BARX2: variants seen among roughly 807,000 people sequenced by gnomAD.
The protein encoded by BARX2 is BARX homeobox 2, also known as homeobox protein BarH-like 2.
BARX2 carries 11 observed loss-of-function variants against 25.5 expected under a neutral mutation model. The ratio of observed to expected loss-of-function variants is 0.43; its 90% CI spans 0.27 to 0.71. The LOEUF is 0.71. Among genes scored for constraint, BARX2 ranks in the 30% least tolerant of loss-of-function variants. The pLI is 0.19. For missense variants in BARX2, 360 were observed against 359.9 expected (o/e 1.00, Z 0.00); for synonymous variants, 137 against 149.5 (o/e 0.92, Z 0.61).
chr11:129,426,870 T>C (rs1039414571), intron 1 of BARX2, among the ~76,000 whole-genome samples: 14 of 152,008 alleles, frequency 9.2e-5, no homozygotes, highest in Admixed American at 9.2e-4. Flanking sequence ...TTTAGGAAGA[T>C]GTCCAGCCAG....
intron 1 of BARX2, among the ~76,000 whole-genome samples, chr11:129,412,574 C>A (rs1861901325): frequency 6.6e-6 from 1 of 152,184 alleles, no homozygotes; most frequent in African/African-American, 2.4e-5. Context: ...ACATTGATAC[C>A]CACTTTTAAT....
chr11:129,404,022 A>G (rs1015774448), intron 1 of BARX2, among the ~76,000 whole-genome samples: 1 of 152,234 alleles, frequency 6.6e-6, no homozygotes, highest in Non-Finnish European at 1.5e-5. Flanking sequence ...CCTGCACTGG[A>G]AATCCACTCT....
intron 1 of BARX2, among the ~76,000 whole-genome samples, chr11:129,433,775 C>T (rs931093154): frequency 2.0e-5 from 3 of 152,186 alleles, no homozygotes; most frequent in Non-Finnish European, 4.4e-5. Context: ...GCCCCACCTG[C>T]CCCATCTTCA....
At chr11:129,395,374 C>T (rs1396062385) in intron 1 of BARX2, among the ~76,000 whole-genome samples, 2 of 152,134 alleles carry the variant, frequency 1.3e-5, no homozygotes, top group African/African-American at 4.8e-5. Flanking sequence ...GTTGTGTCAA[C>T]AAATAATGGC....
chr11:129,384,928 A>C (rs1379088033), intron 1 of BARX2, among the ~76,000 whole-genome samples: 3 of 152,210 alleles, frequency 2.0e-5, no homozygotes, highest in Admixed American at 6.5e-5. Context: ...GGAATCCTAG[A>C]AGCTAAATGA....
At chr11:129,385,193 C>T (rs935184510) in intron 1 of BARX2, among the ~76,000 whole-genome samples, 7 of 152,126 alleles carry the variant, frequency 4.6e-5, no homozygotes, top group African/African-American at 9.7e-5. Flanking sequence ...CTCCACACTC[C>T]GGCGGGAGTG....
At chr11:129,440,986 G>T (rs953577838) in intron 2 of BARX2, among the ~76,000 whole-genome samples, 5 of 152,214 alleles carry the variant, frequency 3.3e-5, no homozygotes, top group Admixed American at 3.3e-4. Context: ...ACACTGCTTT[G>T]CTGAGCAGGG....
intron 1 of BARX2, among the ~76,000 whole-genome samples, chr11:129,405,767 A>G (rs903778032): frequency 2.0e-5 from 3 of 152,192 alleles, no homozygotes; most frequent in Admixed American, 2.0e-4. Flanking sequence ...CACGTCATGC[A>G]TGGTTTTGTA....
chr11:129,414,129 G>A (rs1861919565), intron 1 of BARX2, among the ~76,000 whole-genome samples: 1 of 151,758 alleles, frequency 6.6e-6, no homozygotes, highest in African/African-American at 2.4e-5. Context: ...ATATCAGTTT[G>A]AACTTCCTTA....
chr11:129,437,074 C>T (rs758650535), intron 2 of BARX2, 23 bp downstream of exon 2: 55 of 1,522,856 alleles, frequency 3.6e-5, no homozygotes, highest in Non-Finnish European at 4.8e-5. Flanking sequence ...GGAAGGGACT[C>T]TCCGCAGTGA....
intron 2 of BARX2, chr11:129,437,272 A>C: frequency 1.7e-6 from 1 of 581,804 alleles, no homozygotes; most frequent in Non-Finnish European, 2.6e-6. Flanking sequence ...AACTTAACTC[A>C]CCACTTTATC....
chr11:129,385,840 C>G (rs569463647), intron 1 of BARX2, among the ~76,000 whole-genome samples: 1 of 152,278 alleles, frequency 6.6e-6, no homozygotes, highest in East Asian at 1.9e-4. Flanking sequence ...GCACAAGAGA[C>G]CGCACATGTC....
At chr11:129,400,761 C>T (rs1861767067) in intron 1 of BARX2, among the ~76,000 whole-genome samples, 1 of 152,052 alleles carries the variant, frequency 6.6e-6, no homozygotes, top group South Asian at 2.1e-4. Context: ...CTGCCATCAT[C>T]CAGGCAAGAG....
At chr11:129,426,818 G>T (rs1261767620) in intron 1 of BARX2, among the ~76,000 whole-genome samples, 5 of 151,140 alleles carry the variant, frequency 3.3e-5, no homozygotes, top group African/African-American at 1.2e-4. Context: ...TTTTTTAACA[G>T]ATCTACTAAA....
chr11:129,395,953 A>G (rs760662654), intron 1 of BARX2, among the ~76,000 whole-genome samples: 3 of 152,148 alleles, frequency 2.0e-5, no homozygotes, highest in Non-Finnish European at 4.4e-5. Context: ...CCTCTGAAAA[A>G]TATAGAATCT....
Position 129,376,331 on chromosome 11 carries a change from C to A in BARX2, c.187+109C>A. On this transcript the variant is annotated intron_variant, in intron 1 of 3. Coordinates refer to ENST00000281437, the MANE Select transcript of BARX2 (RefSeq NM_003658.5). The surrounding 1 kb of genome is among the most constrained non-coding windows in gnomAD (Gnocchi z 4.2). ...AGAGGAAGGGTTAAGTTAAGGGATT[C>A]TTTTCCTGCGCCTCAGCAAGCGGTG... The A allele has an allele frequency of 4.5e-6, 5 of 1,121,134 alleles. No homozygotes were observed. In the South Asian group the frequency reaches 6.4e-5, roughly 14 times the overall value. The allele number at this position is 1,121,134 out of a possible 1,614,324, so 69.4% of individuals were successfully genotyped here. A position where few individuals can be genotyped will look rare whatever the true frequency, so the allele number is the denominator to read the frequency against.
At chr11:129,375,795 G>C (rs1861495344), upstream of BARX2, 2 of 153,208 alleles carry the variant, frequency 1.3e-5, no homozygotes. The surrounding 1 kb of genome is among the most constrained non-coding windows in gnomAD (Gnocchi z 4.0). Context: ...CAGGAAGCTC[G>C]CGCTGATTGA....
At chr11:129,406,366 A>G (rs1026574486) in intron 1 of BARX2, among the ~76,000 whole-genome samples, 2 of 152,254 alleles carry the variant, frequency 1.3e-5, no homozygotes, top group Admixed American at 1.3e-4. Flanking sequence ...ACTTGGTAGT[A>G]GCAGAGTCTA....
intron 2 of BARX2, among the ~76,000 whole-genome samples, chr11:129,438,838 C>T (rs1262819756): frequency 1.3e-5 from 2 of 152,086 alleles, no homozygotes; most frequent in East Asian, 1.9e-4. Flanking sequence ...TATTGCTGAG[C>T]GTGGGAGATG....
Sources: allele counts gnomAD v4.1 joint callset (sites outside exome capture counted in the v4.1 genomes callset), GRCh38; gene constraint gnomAD v4.1.1; non-coding constraint Gnocchi (gnomAD v3.1); transcripts MANE v1.5; gene names NCBI Gene and HGNC (gene_info 2026-07-23, HGNC 2026-07-21).